MAPKAP1: variants seen among roughly 807,000 people sequenced by gnomAD.
The protein encoded by MAPKAP1 is target of rapamycin complex 2 subunit MAPKAP1.
In MAPKAP1, 20 loss-of-function variants were observed where a neutral mutation model predicts 65.7. That is an observed-to-expected ratio of 0.30 (90% CI 0.21 to 0.44). MAPKAP1 has a LOEUF of 0.44. Ranked by LOEUF, MAPKAP1 falls within the 20% of genes least tolerant of loss-of-function variation. MAPKAP1 has a pLI of 1.00. For synonymous variants in MAPKAP1, 222 were observed against 244.3 expected (o/e 0.91, Z 0.85); for missense variants, 423 against 648.0 (o/e 0.65, Z 3.77).
intron 4 of MAPKAP1, among the ~76,000 whole-genome samples, chr9:125,616,254 C>T (rs1319604009): frequency 6.6e-6 from 1 of 152,092 alleles, no homozygotes; most frequent in East Asian, 1.9e-4. Flanking sequence ...AATTATTTAA[C>T]TATAAAAACT....
At chr9:125,706,356 T>C (rs1417860422) in intron 1 of MAPKAP1, among the ~76,000 whole-genome samples, 1 of 152,140 alleles carries the variant, frequency 6.6e-6, no homozygotes, top group African/African-American at 2.4e-5. Context: ...TGCCAGGTAC[T>C]GTGGTGGGCT....
rs539118118 is a variant in MAPKAP1, at chr9:125,506,213, G to A, written c.1066+97C>T. ...CTTGGAAAACAGTCACTTCAAATCT[G>A]CCTAGGGAAACCAGACCAGTGAGCG... On this transcript the variant is annotated intron_variant, in intron 8 of 11. Coordinates refer to ENST00000265960, the MANE Select transcript of MAPKAP1 (RefSeq NM_001006617.3). The A allele has an allele frequency of 1.4e-4, 142 of 1,007,438 alleles. 1 individual carries two copies. In the South Asian group the frequency reaches 1.8e-3, roughly 13 times the overall value. The allele number at this position is 1,007,438 out of a possible 1,614,324, so 62.4% of individuals were successfully genotyped here.
chr9:125,613,772 T>G (rs897234135), intron 4 of MAPKAP1, among the ~76,000 whole-genome samples: 2 of 152,050 alleles, frequency 1.3e-5, no homozygotes, highest in Admixed American at 1.3e-4. Flanking sequence ...TTACCCATAC[T>G]ATTTAACCTT....
chr9:125,625,260 A>AT (rs1833078842), intron 4 of MAPKAP1, among the ~76,000 whole-genome samples: 5 of 137,820 alleles, frequency 3.6e-5, no homozygotes, highest in African/African-American at 1.1e-4. Context: ...ATAAATAAAA[A>AT]AAAAAAAAAA....
At chr9:125,572,305 G>A (rs914141739) in intron 5 of MAPKAP1, among the ~76,000 whole-genome samples, 2 of 152,182 alleles carry the variant, frequency 1.3e-5, no homozygotes, top group African/African-American at 4.8e-5. Flanking sequence ...CCATGGCTGA[G>A]CTTGGTTTTA....
intron 9 of MAPKAP1, chr9:125,471,426 G>C (rs1425533045): frequency 1.3e-5 from 2 of 153,054 alleles, no homozygotes; most frequent in Non-Finnish European, 2.9e-5. Context: ...CTGGGGTGCA[G>C]TGGGGATGAG....
At chr9:125,696,250 A>G (rs1203122234) in intron 1 of MAPKAP1, 2 of 152,030 alleles carry the variant, frequency 1.3e-5, no homozygotes, top group African/African-American at 4.8e-5. Flanking sequence ...TCATGCTTAC[A>G]ATCCCAACAA....
intron 4 of MAPKAP1, among the ~76,000 whole-genome samples, chr9:125,626,300 T>A (rs934716996): frequency 6.6e-6 from 1 of 152,260 alleles, no homozygotes; most frequent in African/African-American, 2.4e-5. Flanking sequence ...TTCTGTGTGT[T>A]CAGCATGTTG....
chr9:125,462,293 G>A (rs1853527653), intron 10 of MAPKAP1, among the ~76,000 whole-genome samples: 1 of 152,202 alleles, frequency 6.6e-6, no homozygotes, highest in African/African-American at 2.4e-5. Context: ...TGGGCTGGGG[G>A]TGAGGAATGC....
intron 4 of MAPKAP1, among the ~76,000 whole-genome samples, chr9:125,622,764 T>C (rs542645175): frequency 8.6e-5 from 13 of 151,704 alleles, no homozygotes; most frequent in African/African-American, 2.7e-4. Flanking sequence ...AATTATTACA[T>C]GTCAACTAAA....
intron 8 of MAPKAP1, among the ~76,000 whole-genome samples, chr9:125,503,733 T>C (rs1829051158): frequency 6.6e-6 from 1 of 152,028 alleles, no homozygotes; most frequent in Non-Finnish European, 1.5e-5. Flanking sequence ...TCTTTTTTTT[T>C]TGAGACGGAA....
intron 7 of MAPKAP1, among the ~76,000 whole-genome samples, chr9:125,542,187 C>T (rs185617540): frequency 6.6e-6 from 1 of 152,330 alleles, no homozygotes; most frequent in East Asian, 1.9e-4. Context: ...GTGTCCTTCA[C>T]TGTGTTATCT....
At chr9:125,559,901 G>A (rs751219745) in intron 5 of MAPKAP1, 92 bp from the exon 6 acceptor site, 448 of 1,282,000 alleles carry the variant, frequency 3.5e-4, no homozygotes, top group Non-Finnish European at 4.6e-4. Context: ...AAATTGAGGA[G>A]ACTGCTTTTC....
intron 8 of MAPKAP1, among the ~76,000 whole-genome samples, chr9:125,500,023 C>T (rs891822020): frequency 3.3e-5 from 5 of 151,912 alleles, no homozygotes; most frequent in South Asian, 2.1e-4. Flanking sequence ...GCACAATATA[C>T]TGTGGAATAC....
intron 4 of MAPKAP1, among the ~76,000 whole-genome samples, chr9:125,586,864 C>T (rs1189390359): frequency 6.6e-6 from 1 of 152,170 alleles, no homozygotes; most frequent in African/African-American, 2.4e-5. Flanking sequence ...CAACAACAAC[C>T]CCTCTTATTT....
intron 7 of MAPKAP1, among the ~76,000 whole-genome samples, chr9:125,541,863 T>C (rs1830259253): frequency 6.6e-6 from 1 of 152,280 alleles, no homozygotes. Context: ...CATTTAATTC[T>C]ATCTCTGCGG....
At chr9:125,643,396 T>C (rs1250732) in intron 4 of MAPKAP1, among the ~76,000 whole-genome samples, 12,086 of 149,216 alleles carry the variant, frequency 0.081, 662 homozygotes, top group Non-Finnish European at 0.13. Context: ...GGTTTCACCA[T>C]GTTGGCCAGG....
intron 10 of MAPKAP1, among the ~76,000 whole-genome samples, chr9:125,460,992 A>G (rs568783748): frequency 6.6e-6 from 1 of 152,374 alleles, no homozygotes; most frequent in Admixed American, 6.5e-5. Flanking sequence ...ATGTCAGCTC[A>G]TGATGACCAG....
intron 1 of MAPKAP1, among the ~76,000 whole-genome samples, chr9:125,683,919 T>A (rs1391963902): frequency 6.6e-6 from 1 of 152,216 alleles, no homozygotes; most frequent in Non-Finnish European, 1.5e-5. Context: ...CTGCACTGAA[T>A]ATGTGCTGGC....
Sources: allele counts gnomAD v4.1 joint callset (sites outside exome capture counted in the v4.1 genomes callset), GRCh38; gene constraint gnomAD v4.1.1; transcripts MANE v1.5; gene names NCBI Gene and HGNC (gene_info 2026-07-23, HGNC 2026-07-21).